LRP1B: variants seen among roughly 807,000 people sequenced by gnomAD.
The protein encoded by LRP1B is low-density lipoprotein receptor-related protein 1B.
A neutral mutation model predicts 556.6 loss-of-function variants in LRP1B; 217 were observed. That is an observed-to-expected ratio of 0.39 (90% CI 0.35 to 0.44). The LOEUF is 0.44. LRP1B is among the 20% of genes least tolerant of loss of function. The pLI is 1.00. For missense variants in LRP1B, 5,053 were observed against 5,620.8 expected, an observed-to-expected ratio of 0.90 and a Z score of 3.23; for synonymous variants, 2,047 against 1,865.8, an observed-to-expected ratio of 1.10 and a Z score of -2.50.
Position 142,130,871 on chromosome 2 carries a change from A to G in LRP1B, c.-142T>C. ...AATGTCACTGGAAATTCTTCAGCTCAATGAGTCCAGCCAGTCAGCCTTCTC... is the reference window on the plus strand; with the variant it reads ...AATGTCACTGGAAATTCTTCAGCTCGATGAGTCCAGCCAGTCAGCCTTCTC... On this transcript the variant is annotated 5_prime_UTR_variant, in exon 1 of 91. Transcript: ENST00000389484. 1 of 722,138 alleles carries G rather than the reference A, an allele frequency of 1.4e-6. No homozygotes were observed. The highest frequency in any genetic ancestry group is 1.5e-5 in the South Asian group (1 of 67,366). 44.7% of individuals were successfully genotyped at this position (722,138 alleles called of 1,614,324 possible). A position where few individuals can be genotyped will look rare whatever the true frequency, so the allele number is the denominator to read the frequency against.
At chr2:140,946,419 G>A (rs1487888465) in intron 20 of LRP1B, among the ~76,000 whole-genome samples, 5 of 152,098 alleles carry the variant, frequency 3.3e-5, no homozygotes, top group Admixed American at 3.3e-4. Context: ...GGCCAACATG[G>A]TGAAAACCCA....
Position 141,257,019 on chromosome 2 carries a change from A to T in LRP1B, c.344-2378T>A, listed in dbSNP as rs139502822. Reference sequence around the variant, plus strand: ...GAAAAACTGCAAAATAATAAAGTACATAAGTGAAGAACCTAGAAAGTCTCA... The same window carrying T: ...GAAAAACTGCAAAATAATAAAGTACTTAAGTGAAGAACCTAGAAAGTCTCA... On this transcript the variant is annotated intron_variant, in intron 3 of 90. Transcript: ENST00000389484. Among the ~76,000 whole-genome samples the T allele has an allele frequency of 4.8e-3, 724 of 152,222 alleles. 6 individuals are homozygous for T. The highest frequency in any genetic ancestry group is 0.017 in the African/African-American group (690 of 41,570).
At chr2:141,218,441 A>G (rs571082496) in intron 6 of LRP1B, among the ~76,000 whole-genome samples, 2 of 152,336 alleles carry the variant, frequency 1.3e-5, no homozygotes, top group Admixed American at 1.3e-4. Context: ...ACCCAATAGA[A>G]CACTATGTAG....
At chr2:141,300,032 A>G (rs1686327480) in intron 3 of LRP1B, among the ~76,000 whole-genome samples, 1 of 152,178 alleles carries the variant, frequency 6.6e-6, no homozygotes, top group Non-Finnish European at 1.5e-5. Flanking sequence ...TCCCTTGTAA[A>G]AGAGACCCCA....
At chr2:141,242,363 T>C (rs1305300734) in intron 5 of LRP1B, among the ~76,000 whole-genome samples, 1 of 152,090 alleles carries the variant, frequency 6.6e-6, no homozygotes, top group Non-Finnish European at 1.5e-5. Context: ...CCATAGGAAG[T>C]TACATTTTGT....
intron 15 of LRP1B, among the ~76,000 whole-genome samples, chr2:140,996,851 CACTCAAAAGAGTG>C (rs1462715257): frequency 2.0e-5 from 3 of 151,994 alleles, no homozygotes; most frequent in Non-Finnish European, 4.4e-5. Context: ...GTTCCACCTA[CACTCAAAAGAGTG>C]AATATATAAA....
chr2:141,526,649 A>G (rs1684701551), intron 2 of LRP1B, among the ~76,000 whole-genome samples: 1 of 151,920 alleles, frequency 6.6e-6, no homozygotes, highest in Admixed American at 6.6e-5. Context: ...TAATGTTTTA[A>G]TTGTAATGTA....
At chr2:140,493,949 C>T (rs185533762) in intron 56 of LRP1B, among the ~76,000 whole-genome samples, 74 of 152,200 alleles carry the variant, frequency 4.9e-4, no homozygotes, top group South Asian at 2.3e-3. Context: ...AATTGGCTCT[C>T]GAGTTGAAGG....
chr2:140,989,776 G>T, intron 16 of LRP1B, 119 bp from the exon 17 acceptor site: 1 of 905,178 alleles, frequency 1.1e-6, no homozygotes, highest in Non-Finnish European at 1.7e-6. Context: ...ATGTCATAGA[G>T]TCTGTCATTC....
intron 35 of LRP1B, among the ~76,000 whole-genome samples, chr2:140,732,384 A>G (rs1005365594): frequency 1.3e-5 from 2 of 152,178 alleles, no homozygotes; most frequent in African/African-American, 4.8e-5. Context: ...CAGGAAATGA[A>G]AAAACTCCAA....
At chr2:140,515,521 C>G (rs1689857347) in intron 50 of LRP1B, among the ~76,000 whole-genome samples, 1 of 151,994 alleles carries the variant, frequency 6.6e-6, no homozygotes, top group African/African-American at 2.4e-5. Context: ...TAAAATCCTT[C>G]TAAATTAAGG....
At chr2:140,250,304 C>A (rs988013431) in intron 86 of LRP1B, among the ~76,000 whole-genome samples, 7 of 151,900 alleles carry the variant, frequency 4.6e-5, no homozygotes, top group Admixed American at 4.6e-4. Context: ...ACGTTTTAAA[C>A]AATTCCATGA....
At chr2:140,400,555 T>C (rs34965887) in intron 66 of LRP1B, among the ~76,000 whole-genome samples, 20,123 of 152,190 alleles carry the variant, frequency 0.13, 1,401 homozygotes, top group African/African-American at 0.18. Flanking sequence ...AAACTCCCAA[T>C]TTGAGACAAG....
chr2:141,967,027 G>C (rs1701584760), intron 1 of LRP1B, among the ~76,000 whole-genome samples: 1 of 151,750 alleles, frequency 6.6e-6, no homozygotes, highest in Non-Finnish European at 1.5e-5. Context: ...GTCTTTTCCT[G>C]CTCCTGGAAG....
chr2:140,666,225 C>A (rs190791347), intron 41 of LRP1B, among the ~76,000 whole-genome samples: 8 of 151,882 alleles, frequency 5.3e-5, no homozygotes, highest in African/African-American at 1.4e-4. Flanking sequence ...GAATTCCTGA[C>A]CTCGTTATCT....
intron 33 of LRP1B, among the ~76,000 whole-genome samples, chr2:140,773,562 C>T (rs1244755962): frequency 6.6e-6 from 1 of 151,418 alleles, no homozygotes; most frequent in Non-Finnish European, 1.5e-5. Flanking sequence ...GGGTCTGGGG[C>T]TGTATATTTT....
intron 41 of LRP1B, among the ~76,000 whole-genome samples, chr2:140,610,662 T>G (rs1048871820): frequency 3.3e-5 from 5 of 152,228 alleles, no homozygotes; most frequent in African/African-American, 4.8e-5. Context: ...CTTGGCTCAC[T>G]GCAAGCTCCA....
Position 141,015,801 on chromosome 2 carries a change from C to T in LRP1B, c.2085G>A (p.Leu695=), listed in dbSNP as rs2105389282. 2.5e-6 allele frequency: 4 copies of T among 1,613,596 alleles called. No individual in the cohort carries two copies. The highest frequency in any genetic ancestry group is 3.4e-6 in the Non-Finnish European group (4 of 1,179,740). The change falls in exon 13 of 91, where the codon CTG becomes CTA. Residue 695 remains leucine, a synonymous_variant. Transcript: ENST00000389484. The part of the protein sequence containing the change: ...NRQIFVTSKM[L]WPNGLTLDFH... ...AGTCCAGAGTTAAACCGTTTGGCCA[C>T]AGCATCTTTGAAGTCACAAAAATCT...
At chr2:141,233,336 T>C (rs993803205) in intron 5 of LRP1B, among the ~76,000 whole-genome samples, 1 of 152,120 alleles carries the variant, frequency 6.6e-6, no homozygotes, top group Non-Finnish European at 1.5e-5. Context: ...AAGAGAAAAA[T>C]TGTCCTCATA....
Sources: gnomAD v4.1 joint callset for allele counts (sites outside exome capture counted in the v4.1 genomes callset) on GRCh38, gnomAD v4.1.1 for gene constraint, MANE v1.5 for transcripts, NCBI Gene and HGNC (gene_info 2026-07-23, HGNC 2026-07-21) for gene names.